The following SFMBT1 variants were observed in gnomAD, a reference collection of about 807,000 sequenced individuals.
SFMBT1 encodes scm-like with four MBT domains protein 1.
In SFMBT1, 32 loss-of-function variants were observed where a neutral mutation model predicts 108.7. That is an observed-to-expected ratio of 0.29 (90% confidence interval 0.22 to 0.40). The LOEUF (loss-of-function observed/expected upper bound fraction) is 0.40, where lower values mean the gene tolerates loss of function less well. Ranked by LOEUF, SFMBT1 falls within the 10% of genes least tolerant of loss-of-function variation. The pLI is 1.00. For missense variants in SFMBT1, 816 were observed against 1,059.6 expected (o/e 0.77, Z 3.19); for synonymous variants, 348 against 369.5 (o/e 0.94, Z 0.67).
chr3:52,954,117 T>C (rs1192876315), intron 3 of SFMBT1, among the ~76,000 whole-genome samples, 200 bp downstream of exon 3: 1 of 150,950 alleles, frequency 6.6e-6, no homozygotes, highest in African/African-American at 2.4e-5. Context: ...AAAGCGAGAC[T>C]CCATCTCAAA....
intron 6 of SFMBT1, 66 bp downstream of exon 6, chr3:52,931,996 G>A (rs1334897123): frequency 6.6e-7 from 1 of 1,521,972 alleles, no homozygotes; most frequent in Non-Finnish European, 8.9e-7. Flanking sequence ...TATTTTTTCA[G>A]CCTCATAGAT....
At chr3:52,993,369 T>G (rs1470358940) in intron 1 of SFMBT1, among the ~76,000 whole-genome samples, 1 of 150,394 alleles carries the variant, frequency 6.6e-6, no homozygotes, top group South Asian at 2.1e-4. Context: ...ACTTCAAAAT[T>G]TGACCTATAT....
chr3:52,916,081 G>T, intron 14 of SFMBT1, 69 bp downstream of exon 14: 1 of 1,342,794 alleles, frequency 7.4e-7, no homozygotes. Flanking sequence ...ACTGTTTTAA[G>T]TTATTTTCAG....
chr3:52,999,907 G>C (rs149353790), intron 1 of SFMBT1, among the ~76,000 whole-genome samples: 2,893 of 150,110 alleles, frequency 0.019, 143 homozygotes, highest in African/African-American at 0.066. Context: ...CGCCCAGGCT[G>C]GAATGCAGTG....
At position 53,021,379 on chromosome 3, in the gene SFMBT1, G is replaced by A. The variant is rs561687006; in HGVS notation, c.-131+24437C>T. ...GAAAATGTCTCTAGGAAAGCAAAAT[G>A]TTAAAGCTGGGTGATGTGTAAACTG... On this transcript the variant is annotated intron_variant, in intron 1 of 20. Transcript: ENST00000394752. 1.2e-4 allele frequency among the ~76,000 whole-genome samples: 19 copies of A among 152,296 alleles called. No homozygotes were observed. The South Asian group carries it at 3.5e-3, about 28-fold the overall frequency.
intron 1 of SFMBT1, among the ~76,000 whole-genome samples, chr3:53,017,844 C>T (rs1195228036): frequency 1.3e-5 from 2 of 152,190 alleles, no homozygotes; most frequent in Non-Finnish European, 2.9e-5. Flanking sequence ...AAAAAAGATG[C>T]TTTTCAGTGT....
chr3:52,962,732 C>T (rs1704003638), intron 2 of SFMBT1, among the ~76,000 whole-genome samples: 1 of 143,346 alleles, frequency 7.0e-6, no homozygotes, highest in Non-Finnish European at 1.5e-5. Context: ...CGTTTGAACC[C>T]AGAGGCAGGG....
chr3:52,983,922 C>G (rs1289910509), intron 1 of SFMBT1, among the ~76,000 whole-genome samples: 1 of 152,180 alleles, frequency 6.6e-6, no homozygotes, highest in East Asian at 1.9e-4. Context: ...AAGGATCACT[C>G]TGCAGCTATG....
intron 1 of SFMBT1, among the ~76,000 whole-genome samples, chr3:53,023,199 T>C (rs1575445038): frequency 6.6e-6 from 1 of 152,276 alleles, no homozygotes; most frequent in East Asian, 1.9e-4. Flanking sequence ...TGTGATCCTT[T>C]ATGTGACAGA....
At chr3:52,923,111 T>A (rs576363952) in intron 10 of SFMBT1, among the ~76,000 whole-genome samples, 13 of 152,156 alleles carry the variant, frequency 8.5e-5, no homozygotes, top group African/African-American at 3.1e-4. Context: ...CAACCAAGAA[T>A]TACCAGACAC....
chr3:53,000,733 A>C (rs569112250), intron 1 of SFMBT1, among the ~76,000 whole-genome samples: 2 of 150,284 alleles, frequency 1.3e-5, no homozygotes, highest in East Asian at 3.9e-4. Flanking sequence ...AGAAATTTAC[A>C]AAAACTAAAA....
intron 4 of SFMBT1, among the ~76,000 whole-genome samples, chr3:52,935,371 T>TA (rs1282683971): frequency 1.3e-5 from 2 of 152,224 alleles, no homozygotes; most frequent in Non-Finnish European, 2.9e-5. Flanking sequence ...AACATGGCCA[T>TA]ACCCATTTGT....
intron 1 of SFMBT1, among the ~76,000 whole-genome samples, chr3:52,974,519 G>A (rs987690482): frequency 6.6e-6 from 1 of 152,094 alleles, no homozygotes; most frequent in Non-Finnish European, 1.5e-5. Context: ...TTTGTCAAAT[G>A]CCAACATAAC....
At chr3:52,985,568 G>A (rs1704875549) in intron 1 of SFMBT1, among the ~76,000 whole-genome samples, 2 of 152,104 alleles carry the variant, frequency 1.3e-5, no homozygotes, top group South Asian at 4.1e-4. Context: ...TTTTACAGAT[G>A]AGGAAAAGTT....
chr3:53,023,732 T>C lies in SFMBT1; in HGVS notation c.-131+22084A>G, dbSNP rs187605846. Among the ~76,000 whole-genome samples, 338 of 152,336 alleles carry C rather than the reference T, an allele frequency of 2.2e-3. 1 individual carries two copies. Among genetic ancestry groups the C allele is most frequent in the African/African-American group, 7.1e-3 (297 of 41,568 alleles). ...AGCATCAGTGAGAAATGCGGGTTTG[T>C]GGGCTCTGGTTTGTAGGCACCTTCT... is the stretch of plus-strand genomic sequence containing the variant. On this transcript the variant is annotated intron_variant, in intron 1 of 20. Coordinates refer to ENST00000394752, the MANE Select transcript of SFMBT1 (RefSeq NM_016329.4).
At chr3:53,036,910 C>T (rs1699886795) in intron 1 of SFMBT1, among the ~76,000 whole-genome samples, 1 of 152,102 alleles carries the variant, frequency 6.6e-6, no homozygotes, top group South Asian at 2.1e-4. Flanking sequence ...GGCTAGGGAG[C>T]AGCTCAAAGA....
intron 1 of SFMBT1, among the ~76,000 whole-genome samples, chr3:52,985,882 C>T (rs1029968124): frequency 1.3e-5 from 2 of 152,130 alleles, no homozygotes; most frequent in Non-Finnish European, 2.9e-5. Context: ...GTGGCTCACG[C>T]CTGTAATCCC....
chr3:52,945,597 G>C (rs1703339366), intron 3 of SFMBT1, among the ~76,000 whole-genome samples: 1 of 151,974 alleles, frequency 6.6e-6, no homozygotes, highest in Non-Finnish European at 1.5e-5. Context: ...CACGAGGTCA[G>C]GAGATCGAGA....
At chr3:52,916,926 G>A (rs900528206) in intron 13 of SFMBT1, among the ~76,000 whole-genome samples, 8 of 151,892 alleles carry the variant, frequency 5.3e-5, no homozygotes, top group South Asian at 2.1e-4. Context: ...TATAGGGTTC[G>A]TTTTCTTCGT....
Sources: gnomAD v4.1 joint callset for allele counts (sites outside exome capture counted in the v4.1 genomes callset) on GRCh38, gnomAD v4.1.1 for gene constraint, MANE v1.5 for transcripts, NCBI Gene and HGNC (gene_info 2026-07-23, HGNC 2026-07-21) for gene names.